Variants in MSI2 observed in about 807,000 individuals in gnomAD.
MSI2 encodes RNA-binding protein Musashi homolog 2.
A neutral mutation model predicts 45.6 loss-of-function variants in MSI2; 17 were observed. The observed-to-expected ratio is 0.37, with a 90% CI of 0.26 to 0.56. MSI2 has a LOEUF of 0.56. MSI2 is among the 20% of genes least tolerant of loss of function. The pLI is 0.77. For synonymous variants in MSI2, 156 were observed against 158.2 expected, an observed-to-expected ratio of 0.99 and a Z score of 0.11; for missense variants, 293 against 444.2, an observed-to-expected ratio of 0.66 and a Z score of 3.06.
chr17:57,675,363 C>G (rs1913152788), intron 12 of MSI2, among the ~76,000 whole-genome samples: 1 of 152,230 alleles, frequency 6.6e-6, no homozygotes. Context: ...GTTCAGATCA[C>G]CACTCCATCA....
At chr17:57,481,921 T>C (rs1299305805) in intron 6 of MSI2, among the ~76,000 whole-genome samples, 1 of 152,260 alleles carries the variant, frequency 6.6e-6, no homozygotes, top group Non-Finnish European at 1.5e-5. Flanking sequence ...GCAAGACAGC[T>C]TCTTATGAAA....
intron 6 of MSI2, among the ~76,000 whole-genome samples, chr17:57,402,015 C>T (rs1020799005): frequency 6.6e-6 from 1 of 152,200 alleles, no homozygotes; most frequent in Non-Finnish European, 1.5e-5. Flanking sequence ...AGTAAAATTA[C>T]CCCCTGGGCT....
At position 57,440,966 on chromosome 17, in the gene MSI2, T is replaced by A. The variant is rs112426735; in HGVS notation, c.405+39495T>A. ...GCCTCGGGTCAGGGGCCATCCCGGGTGGGAGCTGTAGCTCTGGCCAGCTTG... is the reference window on the plus strand; with the variant it reads ...GCCTCGGGTCAGGGGCCATCCCGGGAGGGAGCTGTAGCTCTGGCCAGCTTG... On this transcript the variant is annotated intron_variant, in intron 6 of 13. Coordinates refer to ENST00000284073, the MANE Select transcript of MSI2 (RefSeq NM_138962.4). 5.9e-5 allele frequency among the ~76,000 whole-genome samples: 9 copies of A among 152,230 alleles called. 1 individual carries two copies. The highest frequency in any genetic ancestry group is 2.2e-4 in the African/African-American group (9 of 41,540).
chr17:57,366,576 C>T (rs778575969), intron 5 of MSI2, among the ~76,000 whole-genome samples: 4 of 152,250 alleles, frequency 2.6e-5, no homozygotes, highest in Non-Finnish European at 5.9e-5. Flanking sequence ...GCAGCCAGGG[C>T]TCAGGACCTC....
intron 7 of MSI2, among the ~76,000 whole-genome samples, chr17:57,541,472 A>G (rs908641385): frequency 8.5e-5 from 13 of 152,216 alleles, no homozygotes; most frequent in African/African-American, 3.1e-4. Context: ...TCTATCCTGA[A>G]AAAAAATAAG....
intron 6 of MSI2, among the ~76,000 whole-genome samples, chr17:57,473,915 G>A (rs905827384): frequency 1.3e-5 from 2 of 152,150 alleles, no homozygotes; most frequent in African/African-American, 4.8e-5. Context: ...ATATGAATGT[G>A]GTTTTGATCA....
At chr17:57,491,947 C>G (rs889554709) in intron 6 of MSI2, among the ~76,000 whole-genome samples, 1 of 152,148 alleles carries the variant, frequency 6.6e-6, no homozygotes, top group African/African-American at 2.4e-5. Context: ...AACTTATTTT[C>G]TTTCTCTGAG....
chr17:57,492,115 G>A (rs1270928064), intron 6 of MSI2, among the ~76,000 whole-genome samples: 1 of 152,176 alleles, frequency 6.6e-6, no homozygotes, highest in Non-Finnish European at 1.5e-5. Context: ...GATTTATAAT[G>A]TACTGAATTG....
At chr17:57,349,710 A>G (rs1332804987) in intron 5 of MSI2, among the ~76,000 whole-genome samples, 1 of 152,254 alleles carries the variant, frequency 6.6e-6, no homozygotes, top group Non-Finnish European at 1.5e-5. Flanking sequence ...AAGTTGGTGC[A>G]CTGCACATGT....
At chr17:57,408,691 G>T (rs113896089) in intron 6 of MSI2, among the ~76,000 whole-genome samples, 5,112 of 152,194 alleles carry the variant, frequency 0.034, 280 homozygotes, top group African/African-American at 0.12. Context: ...GTTGTTAGTA[G>T]GAGAAAATAA....
Position 57,529,793 on chromosome 17 carries a change from C to A in MSI2, c.454+69C>A. ...GGCCTCTCTGTCTGTCATCCCCAGT[C>A]CCACTGACAAAAGATACAGTGAAGA... On this transcript the variant is annotated intron_variant, in intron 7 of 13. Coordinates refer to ENST00000284073, the MANE Select transcript of MSI2 (RefSeq NM_138962.4). This position sits in a 1 kb window ranked among gnomAD's most constrained non-coding sequence, Gnocchi z 5.3. The A allele has an allele frequency of 7.7e-7, 1 of 1,301,774 alleles. No individual in the cohort carries two copies. The highest frequency in any genetic ancestry group is 1.1e-6 in the Non-Finnish European group (1 of 919,180). The allele number at this position is 1,301,774 out of a possible 1,614,324, so 80.6% of individuals were successfully genotyped here.
rs139685733 is a variant in MSI2 at position 57,464,130 on chromosome 17, G to T, written c.405+62659G>T. ...GTGGGGAGTTGAGGAAGGAAGGAAG[G>T]AAAGAAGTGACCTGGAGGTAGAAAA... On this transcript the variant is annotated intron_variant, in intron 6 of 13. Transcript: ENST00000284073. Among the ~76,000 whole-genome samples, 56 of 152,032 alleles carry T rather than the reference G, an allele frequency of 3.7e-4. No homozygotes were observed. In the South Asian group the frequency reaches 4.8e-3, roughly 13 times the overall value.
chr17:57,645,427 T>C (rs1400359185), intron 10 of MSI2, among the ~76,000 whole-genome samples: 1 of 151,742 alleles, frequency 6.6e-6, no homozygotes, highest in Non-Finnish European at 1.5e-5. Context: ...AGTTTTTTTG[T>C]TTTTTGTTTT....
chr17:57,256,714 T>TGGGGGTGG lies in MSI2; in HGVS notation c.-23_-16dup. The TGGGGGTGG allele has an allele frequency of 2.0e-6, 1 of 511,562 alleles. No individual in the cohort carries two copies. Among genetic ancestry groups the TGGGGGTGG allele is most frequent in the Non-Finnish European group, 2.4e-6 (1 of 415,006 alleles). The allele number at this position is 511,562 out of a possible 1,614,324, so 31.7% of individuals were successfully genotyped here. A position where few individuals can be genotyped will look rare whatever the true frequency, so the allele number is the denominator to read the frequency against. The stretch of plus-strand genomic sequence containing the variant: ...CCGATCGCTGTGGGGCTTGGTTTTT[T>TGGGGGTGG]GGGGGTGGGGGGGCGGGGGGGCTCA... On this transcript the variant is annotated 5_prime_UTR_variant, in exon 1 of 14. Coordinates refer to ENST00000284073, the MANE Select transcript of MSI2 (RefSeq NM_138962.4).
intron 6 of MSI2, among the ~76,000 whole-genome samples, chr17:57,421,448 C>G (rs753562414): frequency 1.3e-5 from 2 of 152,112 alleles, no homozygotes; most frequent in Non-Finnish European, 2.9e-5. Flanking sequence ...AAGGTGGCAA[C>G]AGTAAGAGAC....
intron 7 of MSI2, among the ~76,000 whole-genome samples, chr17:57,545,271 T>C (rs2087138289): frequency 6.6e-6 from 1 of 152,108 alleles, no homozygotes; most frequent in Non-Finnish European, 1.5e-5. Flanking sequence ...CAGACAAAGA[T>C]TCTTTGGGCA....
chr17:57,316,767 T>G (rs1161655440), intron 5 of MSI2, among the ~76,000 whole-genome samples: 1 of 152,222 alleles, frequency 6.6e-6, no homozygotes, highest in Non-Finnish European at 1.5e-5. Flanking sequence ...GGGAGGTGAC[T>G]ATGGGAACTG....
chr17:57,378,471 C>A (rs568945324), intron 5 of MSI2, among the ~76,000 whole-genome samples: 40 of 152,264 alleles, frequency 2.6e-4, no homozygotes, highest in African/African-American at 8.9e-4. Context: ...ACCATGTTGG[C>A]CAGGCTGGTG....
At chr17:57,287,080 C>T (rs1486619936) in intron 5 of MSI2, among the ~76,000 whole-genome samples, 1 of 151,524 alleles carries the variant, frequency 6.6e-6, no homozygotes, top group Non-Finnish European at 1.5e-5. Flanking sequence ...CCCTTTTGCT[C>T]CATATTTATC....
Sources: gnomAD v4.1 joint callset for allele counts (sites outside exome capture counted in the v4.1 genomes callset) on GRCh38, gnomAD v4.1.1 for gene constraint, Gnocchi (gnomAD v3.1) non-coding constraint, MANE v1.5 for transcripts, NCBI Gene and HGNC (gene_info 2026-07-23, HGNC 2026-07-21) for gene names.